The following IMPG1 variants were observed in gnomAD, a reference collection of about 807,000 sequenced individuals.
The protein encoded by IMPG1 is interphotoreceptor matrix proteoglycan of 150 kDa.
A neutral mutation model predicts 92.0 loss-of-function variants in IMPG1; 85 were observed. The ratio of observed to expected loss-of-function variants is 0.92; its 90% CI spans 0.78 to 1.11. IMPG1 has a LOEUF of 1.11. Ranked by LOEUF, IMPG1 falls within the 50% of genes least tolerant of loss-of-function variation. The pLI is 0.00. For synonymous variants in IMPG1, 367 were observed against 334.1 expected, an observed-to-expected ratio of 1.10 and a Z score of -1.08; for missense variants, 1,022 against 956.0, an observed-to-expected ratio of 1.07 and a Z score of -0.91.
rs146656929 is a variant in IMPG1, at chr6:76,014,285, C to T, written c.808-3061G>A. On this transcript the variant is annotated intron_variant, in intron 7 of 16. Transcript: ENST00000369950. ...TCTCTTACTCCCCCAAGTGAGCACA[C>T]GGCATGGAGCCTGGAAAGAGCAGAG... Among the ~76,000 whole-genome samples, 285 of 152,322 alleles carry T rather than the reference C, an allele frequency of 1.9e-3. 2 individuals carry two copies. The highest frequency in any genetic ancestry group is 5.1e-3 in the African/African-American group (212 of 41,572).
At chr6:75,927,044 T>C (rs1025720676) in intron 15 of IMPG1, among the ~76,000 whole-genome samples, 1 of 152,176 alleles carries the variant, frequency 6.6e-6, no homozygotes, top group Admixed American at 6.5e-5. Context: ...GAACGCTGTT[T>C]TCAAAGTTGC....
rs935696943 is a variant in IMPG1, at chr6:76,022,392, C to A, written c.563-173G>T. Among the ~76,000 whole-genome samples, 6 of 152,128 alleles carry A rather than the reference C, an allele frequency of 3.9e-5. No homozygotes were observed. The South Asian group carries it at 1.2e-3, about 32-fold the overall frequency. The stretch of plus-strand genomic sequence containing the variant: ...AATATGTTCTTGAAAAAATATGACT[C>A]ATACTCTGTCCTAAATTCTTCATTC... On this transcript the variant is annotated intron_variant, in intron 5 of 16. Transcript: ENST00000369950.
intron 12 of IMPG1, among the ~76,000 whole-genome samples, chr6:75,995,628 A>G: frequency 6.6e-6 from 1 of 152,314 alleles, no homozygotes; most frequent in Non-Finnish European, 1.5e-5. Context: ...TGTGTATTTT[A>G]TTATTTGTAA....
Position 76,011,183 on chromosome 6 carries a change from G to T in IMPG1, c.849C>A (p.Ile283=). The change falls in exon 8 of 17, where the codon ATC becomes ATA. Residue 283 remains isoleucine (I), a synonymous_variant. Coordinates refer to ENST00000369950, the MANE Select transcript of IMPG1 (RefSeq NM_001563.4). ...IFKKLPGFKK[I]HVLGFRPKKE... ...TTACTTACCTAAATCCTAACACATG[G>T]ATTTTTTTGAATCCTGGAAGTTTCT... 1 of 1,541,942 alleles carries T rather than the reference G, an allele frequency of 6.5e-7. No individual in the cohort carries two copies.
chr6:76,048,199 C>T (rs1783978115), intron 1 of IMPG1, among the ~76,000 whole-genome samples: 1 of 152,180 alleles, frequency 6.6e-6, no homozygotes, highest in African/African-American at 2.4e-5. Flanking sequence ...CTTTGTATAG[C>T]TGATCATGGC....
chr6:76,001,284 G>A (rs552607244), intron 12 of IMPG1, among the ~76,000 whole-genome samples: 1 of 152,326 alleles, frequency 6.6e-6, no homozygotes, highest in Non-Finnish European at 1.5e-5. Context: ...TTCAGTGAGT[G>A]CTTAAGATCA....
At chr6:75,924,535 TAATTATATA>T (rs1781493820) in intron 15 of IMPG1, among the ~76,000 whole-genome samples, 2 of 63,928 alleles carry the variant, frequency 3.1e-5, no homozygotes, top group African/African-American at 1.2e-4. Context: ...TATTATAATA[TAATTATATA>T]ATATAATTAA....
chr6:76,068,729 C>G (rs1013296863), intron 1 of IMPG1, among the ~76,000 whole-genome samples: 1 of 151,740 alleles, frequency 6.6e-6, no homozygotes, highest in African/African-American at 2.4e-5. Flanking sequence ...GTTGGCCAGG[C>G]TGGTCTTGAA....
intron 5 of IMPG1, 42 bp downstream of exon 5, chr6:76,025,152 T>A (rs758586981): frequency 8.9e-7 from 1 of 1,124,400 alleles, no homozygotes; most frequent in Admixed American, 1.8e-5. Context: ...CATGATGATT[T>A]GAATGAAAGT....
At chr6:76,027,763 A>C (rs902003417) in intron 4 of IMPG1, among the ~76,000 whole-genome samples, 7 of 152,218 alleles carry the variant, frequency 4.6e-5, no homozygotes, top group African/African-American at 1.7e-4. Context: ...CTTTGGCAAA[A>C]TTTGTAAAGG....
At chr6:76,011,910 T>A (rs1323253065) in intron 7 of IMPG1, among the ~76,000 whole-genome samples, 2 of 152,192 alleles carry the variant, frequency 1.3e-5, no homozygotes, top group African/African-American at 4.8e-5. Flanking sequence ...ACAAAGGACA[T>A]GAAAACTTTT....
intron 16 of IMPG1, 119 bp downstream of exon 16, chr6:75,923,515 A>G: frequency 1.5e-6 from 1 of 660,926 alleles, no homozygotes; most frequent in Non-Finnish European, 2.7e-6. Flanking sequence ...AAAACAGTAA[A>G]TTAAAAATAA....
chr6:75,922,653 T>TTCTA (rs796516525), intron 16 of IMPG1, among the ~76,000 whole-genome samples: 9 of 152,318 alleles, frequency 5.9e-5, no homozygotes, highest in African/African-American at 2.2e-4. Context: ...TGATCCATAA[T>TTCTA]TCTATCTGGT....
intron 14 of IMPG1, chr6:75,934,899 T>G: frequency 2.1e-6 from 1 of 467,498 alleles, no homozygotes; most frequent in Non-Finnish European, 4.5e-6. Context: ...ATCTCCTGCT[T>G]TTGCGCTGTC....
intron 14 of IMPG1, among the ~76,000 whole-genome samples, chr6:75,934,053 G>C (rs531203956): frequency 6.6e-5 from 10 of 152,154 alleles, no homozygotes; most frequent in Non-Finnish European, 1.5e-4. Context: ...AGGACTCCAA[G>C]GGGCTCATAA....
intron 1 of IMPG1, among the ~76,000 whole-genome samples, chr6:76,063,156 A>G (rs191070711): frequency 7.9e-4 from 121 of 152,204 alleles, no homozygotes; most frequent in African/African-American, 2.6e-3. Flanking sequence ...GTGAGCTGAG[A>G]CGGTGCCACT....
chr6:76,054,437 C>T (rs566945719), intron 1 of IMPG1, among the ~76,000 whole-genome samples: 79 of 152,078 alleles, frequency 5.2e-4, no homozygotes, highest in Admixed American at 1.9e-3. Context: ...ATGGACGAAA[C>T]GCACCTGTTA....
At chr6:76,034,170 T>G in intron 4 of IMPG1, 145 bp downstream of exon 4, 5 of 728,516 alleles carry the variant, frequency 6.9e-6, no homozygotes, top group Non-Finnish European at 1.2e-5. Context: ...GTACATTATA[T>G]GCAGGAATTG....
intron 16 of IMPG1, 140 bp from the exon 17 acceptor site, chr6:75,922,306 C>A: frequency 1.8e-6 from 1 of 565,378 alleles, no homozygotes; most frequent in East Asian, 3.0e-5. Context: ...TGAAGATGGC[C>A]TCAAAATATT....
Sources: gnomAD v4.1 joint callset for allele counts (sites outside exome capture counted in the v4.1 genomes callset) on GRCh38, gnomAD v4.1.1 for gene constraint, MANE v1.5 for transcripts, NCBI Gene and HGNC (gene_info 2026-07-23, HGNC 2026-07-21) for gene names.